Variants in EPB41L4A observed in about 807,000 individuals in gnomAD.
The protein encoded by EPB41L4A is band 4.1-like protein 4A.
A neutral mutation model predicts 108.6 loss-of-function variants in EPB41L4A; 100 were observed. That is an observed-to-expected ratio of 0.92 (90% CI 0.78 to 1.09). The LOEUF is 1.09. EPB41L4A is among the 50% of genes least tolerant of loss of function. The pLI is 0.00. For synonymous variants in EPB41L4A, 319 were observed against 289.0 expected (o/e 1.10, Z -1.05); for missense variants, 1,030 against 842.7 (o/e 1.22, Z -2.75).
intron 9 of EPB41L4A, among the ~76,000 whole-genome samples, chr5:112,246,278 T>C (rs1561507707): frequency 6.6e-6 from 1 of 152,146 alleles, no homozygotes; most frequent in Non-Finnish European, 1.5e-5. Context: ...TTCCTTAAGA[T>C]TATAAAACGT....
chr5:112,154,393 G>A (rs1019952689), intron 12 of EPB41L4A, among the ~76,000 whole-genome samples: 1 of 152,176 alleles, frequency 6.6e-6, no homozygotes, highest in Non-Finnish European at 1.5e-5. Context: ...CATGTGCACT[G>A]TAATTCTTGT....
chr5:112,342,339 C>T (rs1757370652), intron 1 of EPB41L4A, among the ~76,000 whole-genome samples: 1 of 152,186 alleles, frequency 6.6e-6, no homozygotes, highest in African/African-American at 2.4e-5. Flanking sequence ...TATCTTATCA[C>T]TGGTCTTTCC....
rs961987612 is a variant in EPB41L4A, at chr5:112,328,705, C to T, written c.100-21215G>A. Reference sequence around the variant, plus strand: ...ATCAAATCAGATTTTAACGTTGACACTTTTATTCCTGAAATGGCTGGACTT... The same window carrying T: ...ATCAAATCAGATTTTAACGTTGACATTTTTATTCCTGAAATGGCTGGACTT... On this transcript the variant is annotated intron_variant, in intron 1 of 22. Transcript: ENST00000261486. Among the ~76,000 whole-genome samples, 6 of 152,264 alleles carry T rather than the reference C, an allele frequency of 3.9e-5. No individual in the cohort carries two copies. The South Asian group carries it at 8.3e-4, about 21-fold the overall frequency.
chr5:112,223,488 G>A (rs1748225829), intron 12 of EPB41L4A, among the ~76,000 whole-genome samples: 1 of 152,124 alleles, frequency 6.6e-6, no homozygotes, highest in Non-Finnish European at 1.5e-5. Context: ...ATCCTCAGAT[G>A]CCATCTACTC....
rs555140134 is a variant in EPB41L4A at position 112,324,593 on chromosome 5, C to T, written c.100-17103G>A. 5.3e-5 allele frequency among the ~76,000 whole-genome samples: 8 copies of T among 151,716 alleles called. No individual in the cohort carries two copies. The East Asian group carries it at 1.2e-3, about 22-fold the overall frequency. Reference sequence around the variant, plus strand: ...CAAAAATTAGCCAGGCGTGGTGGAACGCGTCTGTAGTCCCAGTGACTCGGG... The same window carrying T: ...CAAAAATTAGCCAGGCGTGGTGGAATGCGTCTGTAGTCCCAGTGACTCGGG... On this transcript the variant is annotated intron_variant, in intron 1 of 22. Coordinates refer to ENST00000261486, the MANE Select transcript of EPB41L4A (RefSeq NM_022140.5).
intron 11 of EPB41L4A, among the ~76,000 whole-genome samples, chr5:112,237,382 T>C (rs1749422715): frequency 6.6e-6 from 1 of 152,170 alleles, no homozygotes; most frequent in African/African-American, 2.4e-5. Flanking sequence ...AGTGCTACCG[T>C]CCTTGGCATT....
intron 12 of EPB41L4A, among the ~76,000 whole-genome samples, chr5:112,231,975 C>A (rs904288508): frequency 6.6e-6 from 1 of 151,720 alleles, no homozygotes; most frequent in Non-Finnish European, 1.5e-5. Flanking sequence ...ATTAGCCGGG[C>A]GTGGTGGCGT....
chr5:112,205,459 G>T lies in EPB41L4A; in HGVS notation c.1224C>A (p.Ser408Arg), dbSNP rs1762427189. 1.2e-6 allele frequency: 2 copies of T among 1,613,566 alleles called. No homozygotes were observed. The highest frequency in any genetic ancestry group is 4.5e-5 in the East Asian group (2 of 44,846). Residue 408 changes from serine to arginine, a missense_variant, in exon 14 of 23, where the codon AGC (serine) becomes AGA (arginine). Coordinates refer to ENST00000261486, the MANE Select transcript of EPB41L4A (RefSeq NM_022140.5). ...TTTCTTCCCACGGTGCATGAGATTTGCTTCTTTGGGTATCAGGGCTATTTT... is the reference window on the plus strand; with the variant it reads ...TTTCTTCCCACGGTGCATGAGATTTTCTTCTTTGGGTATCAGGGCTATTTT... Reference protein sequence around the residue: ...KNENSPDTQRSKSHAPWEENG... With the variant: ...KNENSPDTQRRKSHAPWEENG...
At chr5:112,233,928 C>T (rs1749140176) in intron 12 of EPB41L4A, among the ~76,000 whole-genome samples, 1 of 151,986 alleles carries the variant, frequency 6.6e-6, no homozygotes, top group African/African-American at 2.4e-5. Flanking sequence ...TCCTGGGCTC[C>T]AGCCATCCTC....
chr5:112,258,270 T>C (rs1033792753), intron 9 of EPB41L4A, among the ~76,000 whole-genome samples: 1 of 152,184 alleles, frequency 6.6e-6, no homozygotes, highest in Admixed American at 6.5e-5. Context: ...ACTTATGAAG[T>C]ACCTACTACA....
intron 1 of EPB41L4A, among the ~76,000 whole-genome samples, chr5:112,358,015 A>G (rs1340974083): frequency 6.6e-6 from 1 of 152,234 alleles, no homozygotes; most frequent in African/African-American, 2.4e-5. Flanking sequence ...TGGTGGAAAG[A>G]GTGGAGGCTA....
At chr5:112,359,336 G>C (rs1758562436) in intron 1 of EPB41L4A, among the ~76,000 whole-genome samples, 2 of 152,184 alleles carry the variant, frequency 1.3e-5, no homozygotes, top group African/African-American at 4.8e-5. Context: ...TTTCAGTTGA[G>C]TGCTTGCTTT....
rs1561585160 is a variant in EPB41L4A at position 112,339,493 on chromosome 5, T to TAG, written c.100-32004_100-32003insCT. 5.0e-5 allele frequency among the ~76,000 whole-genome samples: 4 copies of TAG among 80,118 alleles called. 1 individual carries two copies. The highest frequency in any genetic ancestry group is 1.2e-4 in the African/African-American group (2 of 17,090). The allele number at this position is 80,118 out of a possible 152,430, so 52.6% of individuals were successfully genotyped here. ...ATATATCTATATATATATATATATA[T>TAG]ATCTATATATATATATAGATATATA... On this transcript the variant is annotated intron_variant, in intron 1 of 22. Coordinates refer to ENST00000261486, the MANE Select transcript of EPB41L4A (RefSeq NM_022140.5).
chr5:112,410,786 G>C (rs978070703), intron 1 of EPB41L4A, among the ~76,000 whole-genome samples: 3 of 152,178 alleles, frequency 2.0e-5, no homozygotes, highest in Non-Finnish European at 4.4e-5. Context: ...AGGGAAGTCT[G>C]CTGGAGGACT....
chr5:112,415,144 T>C (rs1017919576), intron 1 of EPB41L4A, among the ~76,000 whole-genome samples: 1 of 152,188 alleles, frequency 6.6e-6, no homozygotes, highest in South Asian at 2.1e-4. Context: ...GTGAGATGCA[T>C]AAAATTTAAG....
At chr5:112,268,265 C>T (rs373663137) in intron 4 of EPB41L4A, among the ~76,000 whole-genome samples, 42 of 152,248 alleles carry the variant, frequency 2.8e-4, no homozygotes, top group Middle Eastern at 3.4e-3. Context: ...GTAGTCCCAG[C>T]TACTTGGGAA....
chr5:112,170,136 G>A (rs1760490522), intron 20 of EPB41L4A, 165 bp downstream of exon 20: 1 of 654,360 alleles, frequency 1.5e-6, no homozygotes, highest in African/African-American at 1.9e-5. Context: ...TGTAGAATAA[G>A]TAGCTTTAAT....
Position 112,265,017 on chromosome 5 carries a change from C to A in EPB41L4A, c.434-1G>T. 6.4e-7 allele frequency: 1 copy of A among 1,555,298 alleles called. No homozygotes were observed. The highest frequency in any genetic ancestry group is 8.6e-7 in the Non-Finnish European group (1 of 1,156,264). Reference sequence around the variant, plus strand: ...TATGGGTCATAATCTCCAAGCTCCGCTAAAAAAGAAAGATAACATAGTTTT... The same window carrying A: ...TATGGGTCATAATCTCCAAGCTCCGATAAAAAAGAAAGATAACATAGTTTT... On this transcript the variant is annotated splice_acceptor_variant, in intron 5 of 22. Transcript: ENST00000261486. LOFTEE classifies it high-confidence loss of function.
In EPB41L4A at chr5:112,200,590, C is replaced by T. The variant is rs576227343; in HGVS notation, c.1376+3785G>A. ...TGGCAGCAGCACACTGCATGGCATA[C>T]AACAGGCACCCAAACATTTTTTAAT... On this transcript the variant is annotated intron_variant, in intron 15 of 22. Transcript: ENST00000261486. Among the ~76,000 whole-genome samples the T allele has an allele frequency of 4.6e-5, 7 of 152,302 alleles. No individual in the cohort carries two copies. In the East Asian group the frequency reaches 1.3e-3, roughly 29 times the overall value.
Sources: gnomAD v4.1 joint callset for allele counts (sites outside exome capture counted in the v4.1 genomes callset) on GRCh38, gnomAD v4.1.1 for gene constraint, MANE v1.5 for transcripts, NCBI Gene and HGNC (gene_info 2026-07-23, HGNC 2026-07-21) for gene names.